DSCAML1: variants seen among roughly 807,000 people sequenced by gnomAD.
The protein encoded by DSCAML1 is cell adhesion molecule DSCAML1.
Under a neutral mutation model 200.5 loss-of-function variants are expected in DSCAML1, and 38 were observed. The observed-to-expected ratio is 0.19, with a 90% confidence interval of 0.15 to 0.25. DSCAML1 has a LOEUF of 0.25. DSCAML1 is among the 10% of genes least tolerant of loss of function. The pLI, the probability that DSCAML1 is intolerant of heterozygous loss-of-function variation, is 1.00. For missense variants in DSCAML1, 2,223 were observed against 2,858.8 expected (o/e 0.78, Z 5.07); for synonymous variants, 1,215 against 1,165.0 (o/e 1.04, Z -0.87).
rs570510844 is a variant in DSCAML1 at position 117,504,970 on chromosome 11, C to T, written c.2136G>A (p.Ser712=). Residue 712 remains serine (S), a synonymous_variant, in exon 10 of 33, where the codon TCG becomes TCA. Transcript: ENST00000651296. This position sits in a 1 kb window ranked among gnomAD's most constrained non-coding sequence, Gnocchi z 5.0. ...CCTTGGGTGGGGGGTAGCCGTCCAC[C>T]GAGCAGTTGAGCACACCAGCTTTGC... is the stretch of plus-strand genomic sequence containing the variant. ...IYGKAGVLNC[S]VDGYPPPKVM... is the part of the protein sequence containing the mutation. 3.2e-5 allele frequency: 52 copies of T among 1,611,774 alleles called. No homozygotes were observed. In the South Asian group the frequency reaches 5.0e-4, roughly 15 times the overall value.
At chr11:117,493,845 C>T (rs1282578442) in intron 11 of DSCAML1, among the ~76,000 whole-genome samples, 1 of 152,158 alleles carries the variant, frequency 6.6e-6, no homozygotes, top group East Asian at 1.9e-4. Context: ...CCAGGCTAGT[C>T]TTGAACTCCT....
chr11:117,623,095 T>C (rs1323358922), intron 3 of DSCAML1, among the ~76,000 whole-genome samples: 2 of 152,124 alleles, frequency 1.3e-5, no homozygotes, highest in Non-Finnish European at 2.9e-5. Context: ...GCCTTCTCTC[T>C]CCTATGAGAC....
chr11:117,625,025 G>A (rs895186371), intron 3 of DSCAML1, among the ~76,000 whole-genome samples: 1 of 152,086 alleles, frequency 6.6e-6, no homozygotes, highest in Non-Finnish European at 1.5e-5. Flanking sequence ...GAGTGTGGCC[G>A]GGGCTTTGGA....
Position 117,525,017 on chromosome 11 carries a change from G to A in DSCAML1, c.725C>T (p.Thr242Ile), listed in dbSNP as rs1456861246. Residue 242 changes from threonine (T) to isoleucine (I), a missense_variant, in exon 5 of 33, where the codon ACC becomes ATC. Around this residue, in one of 7 missense-constraint regions of DSCAML1, gnomAD observed 579 missense variants for 721.5 expected, o/e 0.80. Transcript: ENST00000651296. The stretch of plus-strand genomic sequence containing the variant: ...CGAGGCGGTGCAGGGCAGCTCCACG[G>A]TGTGGCCGGCCCACACTTCCTGGGA... Reference protein sequence around the residue: ...FHSQEVWAGHTVELPCTASGY... With the variant: ...FHSQEVWAGHIVELPCTASGY... The A allele has an allele frequency of 6.2e-7, 1 of 1,604,952 alleles. No homozygotes were observed. The highest frequency in any genetic ancestry group is 8.5e-7 in the Non-Finnish European group (1 of 1,176,578).
intron 3 of DSCAML1, among the ~76,000 whole-genome samples, chr11:117,548,059 C>T (rs1441016142): frequency 6.6e-6 from 1 of 152,234 alleles, no homozygotes; most frequent in Non-Finnish European, 1.5e-5. Context: ...AAGGTGTGGA[C>T]TGAGACATGC....
At chr11:117,813,898 G>A (rs11216555) in intron 1 of DSCAML1, among the ~76,000 whole-genome samples, 40,321 of 152,126 alleles carry the variant, frequency 0.27, 6,136 homozygotes, top group Non-Finnish European at 0.35. Flanking sequence ...AGGCAGGAAT[G>A]TCAGGCCTCT....
At chr11:117,561,303 A>G (rs955135781) in intron 3 of DSCAML1, among the ~76,000 whole-genome samples, 7 of 152,218 alleles carry the variant, frequency 4.6e-5, no homozygotes, top group African/African-American at 1.7e-4. Flanking sequence ...AGTTCTAACC[A>G]GTTCCACAGT....
At chr11:117,636,575 G>C (rs1219758364) in intron 3 of DSCAML1, among the ~76,000 whole-genome samples, 1 of 152,176 alleles carries the variant, frequency 6.6e-6, no homozygotes, top group African/African-American at 2.4e-5. Flanking sequence ...ACGAAGGAGA[G>C]GGGGAAGGGA....
chr11:117,445,392 C>T (rs1264022945), intron 20 of DSCAML1, among the ~76,000 whole-genome samples: 1 of 152,266 alleles, frequency 6.6e-6, no homozygotes, highest in Non-Finnish European at 1.5e-5. Context: ...TTTCAGGCCA[C>T]AGCACCCTGG....
chr11:117,701,849 G>A (rs149603346), intron 3 of DSCAML1, among the ~76,000 whole-genome samples: 91 of 152,230 alleles, frequency 6.0e-4, no homozygotes, highest in African/African-American at 2.0e-3. Context: ...TGTCATCCCC[G>A]CGCTCAGCCT....
chr11:117,481,161 C>T lies in DSCAML1; in HGVS notation c.2656+13G>A, dbSNP rs1657463400. The stretch of plus-strand genomic sequence containing the variant: ...GGGAGGTGGGATGGGAAGGGTGGGG[C>T]AGGTGAAGGTACCTTGCACAGTGAG... On this transcript the variant is annotated intron_variant, in intron 13 of 32. Coordinates refer to ENST00000651296, the MANE Select transcript of DSCAML1 (RefSeq NM_020693.4). 1.2e-6 allele frequency: 2 copies of T among 1,612,986 alleles called. No homozygotes were observed. The highest frequency in any genetic ancestry group is 1.7e-6 in the Non-Finnish European group (2 of 1,179,356).
intron 20 of DSCAML1, among the ~76,000 whole-genome samples, chr11:117,444,936 G>A (rs190008655): frequency 1.3e-5 from 2 of 152,100 alleles, no homozygotes; most frequent in Non-Finnish European, 2.9e-5. Context: ...CAGCACCAGG[G>A]CCCCTTTGAA....
Position 117,472,036 on chromosome 11 carries a change from T to C in DSCAML1, c.2786A>G (p.Asp929Gly). ...GFDIEYKNKS[D>G]SWDFKQSTRN... is the part of the protein sequence containing the mutation. ...TGTGGACTGCTTGAAGTCCCAGGAA[T>C]CTGGAGAGAAGACACCTATGTCAAA... Residue 929 changes from aspartate (D) to glycine (G), a missense_variant and splice_region_variant, in exon 15 of 33, where the codon GAT (aspartate) becomes GGT (glycine). Asp to Gly is a moderately conservative substitution (Grantham distance 94). This residue lies in a region of DSCAML1 where 438 missense variants were observed against 629.7 expected (regional missense o/e 0.70). Coordinates refer to ENST00000651296, the MANE Select transcript of DSCAML1 (RefSeq NM_020693.4). The C allele has an allele frequency of 3.7e-6, 6 of 1,613,712 alleles. No individual in the cohort carries two copies. The South Asian group carries it at 6.6e-5, about 18-fold the overall frequency.
chr11:117,768,434 C>G (rs1489745265), intron 3 of DSCAML1, among the ~76,000 whole-genome samples: 1 of 152,294 alleles, frequency 6.6e-6, no homozygotes, highest in East Asian at 1.9e-4. Context: ...ACTCCAGGAC[C>G]ACCACCTCTT....
intron 3 of DSCAML1, among the ~76,000 whole-genome samples, chr11:117,619,419 A>G (rs1011673863): frequency 1.3e-5 from 2 of 152,334 alleles, no homozygotes; most frequent in East Asian, 3.9e-4. Flanking sequence ...CATCCCTGGA[A>G]AGGTGCTGGT....
At chr11:117,501,010 G>C (rs2049382981) in intron 11 of DSCAML1, among the ~76,000 whole-genome samples, 1 of 152,152 alleles carries the variant, frequency 6.6e-6, no homozygotes, top group Non-Finnish European at 1.5e-5. Flanking sequence ...TCTGTGGCTG[G>C]CTCTGCAAGT....
At chr11:117,490,111 C>T (rs747187910) in intron 11 of DSCAML1, among the ~76,000 whole-genome samples, 8 of 152,214 alleles carry the variant, frequency 5.3e-5, no homozygotes, top group African/African-American at 1.2e-4. Flanking sequence ...GGAAGCACCA[C>T]GGAGAGGAGA....
At chr11:117,645,665 C>T (rs969316910) in intron 3 of DSCAML1, among the ~76,000 whole-genome samples, 1 of 148,500 alleles carries the variant, frequency 6.7e-6, no homozygotes, top group African/African-American at 2.5e-5. Context: ...AAACCAAACA[C>T]CGCATATTCT....
intron 14 of DSCAML1, among the ~76,000 whole-genome samples, chr11:117,474,757 CTTT>C (rs1203423601): frequency 2.1e-5 from 3 of 141,318 alleles, no homozygotes; most frequent in Non-Finnish European, 4.7e-5. Flanking sequence ...TCCTTTTTTC[CTTT>C]TTTTTTTTTT....
Sources: gnomAD v4.1 joint callset for allele counts (sites outside exome capture counted in the v4.1 genomes callset) on GRCh38, gnomAD v4.1.1 for gene constraint, gnomAD v4.1.1 regional missense constraint, Gnocchi (gnomAD v3.1) non-coding constraint, MANE v1.5 for transcripts, NCBI Gene and HGNC (gene_info 2026-07-23, HGNC 2026-07-21) for gene names.